Variants in VAC14 observed in about 807,000 individuals in gnomAD.
The protein encoded by VAC14 is VAC14 component of PIKFYVE complex, also known as protein VAC14 homolog.
VAC14 carries 47 observed loss-of-function variants against 85.3 expected under a neutral mutation model. The ratio of observed to expected loss-of-function variants is 0.55; its 90% CI spans 0.44 to 0.70. The LOEUF is 0.70. Ranked by LOEUF, VAC14 falls within the 30% of genes least tolerant of loss-of-function variation. VAC14 has a pLI of 0.00. For synonymous variants in VAC14, 447 were observed against 430.5 expected (o/e 1.04, Z -0.47); for missense variants, 861 against 1,004.3 (o/e 0.86, Z 1.93).
intron 10 of VAC14, among the ~76,000 whole-genome samples, chr16:70,763,462 A>C (rs2032570463): frequency 1.3e-5 from 2 of 152,176 alleles, no homozygotes; most frequent in African/African-American, 2.4e-5. Flanking sequence ...GGAAAAACAA[A>C]ACCACCAGGT....
chr16:70,695,346 T>G (rs1391944430), intron 17 of VAC14, among the ~76,000 whole-genome samples, 198 bp downstream of exon 17: 1 of 152,086 alleles, frequency 6.6e-6, no homozygotes, highest in Non-Finnish European at 1.5e-5. Context: ...CTCCTGCCGT[T>G]AAGAGATGCT....
intron 9 of VAC14, among the ~76,000 whole-genome samples, chr16:70,774,721 C>T (rs2033427527): frequency 1.3e-5 from 2 of 150,056 alleles, no homozygotes; most frequent in South Asian, 4.2e-4. Context: ...CCCCCTCTCC[C>T]CTCTCCCCTC....
At chr16:70,744,637 G>C (rs1330531974) in intron 12 of VAC14, 58 bp from the exon 13 acceptor site, 4 of 1,510,330 alleles carry the variant, frequency 2.6e-6, no homozygotes, top group Non-Finnish European at 3.5e-6. Context: ...GTGCTGACCT[G>C]GGCAGAGGTG....
chr16:70,736,908 C>A (rs866271350), intron 13 of VAC14, among the ~76,000 whole-genome samples: 2 of 118,468 alleles, frequency 1.7e-5, no homozygotes, highest in Admixed American at 1.8e-4. Flanking sequence ...GCAGGGAGGG[C>A]GGGCTGGACA....
intron 14 of VAC14, among the ~76,000 whole-genome samples, chr16:70,712,549 G>C (rs1338865417): frequency 1.3e-5 from 2 of 152,176 alleles, no homozygotes; most frequent in Non-Finnish European, 2.9e-5. Context: ...GATGTGTTCT[G>C]CACAAAGACA....
At chr16:70,705,523 T>C (rs1430372395) in intron 14 of VAC14, among the ~76,000 whole-genome samples, 1 of 152,260 alleles carries the variant, frequency 6.6e-6, no homozygotes, top group African/African-American at 2.4e-5. Flanking sequence ...CAGGGGCCTC[T>C]GACATTCTTG....
At position 70,764,264 on chromosome 16, in the gene VAC14, G is replaced by A. The variant is rs550711983; in HGVS notation, c.1161-1239C>T. Among the ~76,000 whole-genome samples the A allele has an allele frequency of 6.6e-5, 10 of 152,308 alleles. No individual in the cohort carries two copies. In the South Asian group the frequency reaches 2.1e-3, roughly 32 times the overall value. The stretch of plus-strand genomic sequence containing the variant: ...TGGTGCACATTTCAGGGGCAAGAGT[G>A]GGCACATCTATCCTCTGGTGGCCAG... On this transcript the variant is annotated intron_variant, in intron 10 of 18. Transcript: ENST00000261776.
chr16:70,793,811 T>A (rs2034434500), intron 1 of VAC14, among the ~76,000 whole-genome samples: 1 of 152,194 alleles, frequency 6.6e-6, no homozygotes, highest in Non-Finnish European at 1.5e-5. Flanking sequence ...CAAATAACAG[T>A]ATTAGTGCAA....
Position 70,784,971 on chromosome 16 carries a change from C to T in VAC14, c.424-133G>A, listed in dbSNP as rs570906097. The T allele has an allele frequency of 4.9e-5, 39 of 790,808 alleles. 2 individuals are homozygous for T. The highest frequency in any genetic ancestry group is 2.0e-4 in the East Asian group (8 of 40,510). The allele number at this position is 790,808 out of a possible 1,614,324, so 49.0% of individuals were successfully genotyped here. ...ACATCTAGCAAGAACATCACCCTTT[C>T]GGTGAACACATTTGAGAAAGGCTGG... On this transcript the variant is annotated intron_variant, in intron 3 of 18. Transcript: ENST00000261776.
chr16:70,739,970 A>AT (rs924848092), intron 13 of VAC14, among the ~76,000 whole-genome samples: 33 of 151,666 alleles, frequency 2.2e-4, no homozygotes, highest in Admixed American at 1.1e-3. Context: ...TTTTTGTTTT[A>AT]TTTTTTTTGA....
intron 13 of VAC14, among the ~76,000 whole-genome samples, chr16:70,742,789 C>CTGTGGCGG (rs2030472727): frequency 6.6e-6 from 1 of 152,260 alleles, no homozygotes; most frequent in Admixed American, 6.5e-5. Context: ...CCCGGCTGGG[C>CTGTGGCGG]TGTGGCGGGA....
chr16:70,785,635 T>TC, intron 3 of VAC14, 67 bp downstream of exon 3: 2 of 1,485,430 alleles, frequency 1.3e-6, no homozygotes, highest in Non-Finnish European at 1.8e-6. Flanking sequence ...GGTCCAAGGT[T>TC]CCAGAAGGTC....
rs1042969891 is a variant in VAC14, at chr16:70,690,980, G to C, written c.2186+1841C>G. ...CCCAGAGAGGGCACTGGGCTTGCTG[G>C]AGGTCACACAACAAATCCATGGCAG... On this transcript the variant is annotated intron_variant, in intron 18 of 18. Coordinates refer to ENST00000261776, the MANE Select transcript of VAC14 (RefSeq NM_018052.5). 1.0e-5 allele frequency: 10 copies of C among 985,032 alleles called. No homozygotes were observed. The African/African-American group carries it at 1.7e-4, about 17-fold the overall frequency. 61.0% of individuals were successfully genotyped at this position (985,032 alleles called of 1,614,324 possible). A position where few individuals can be genotyped will look rare whatever the true frequency, so the allele number is the denominator to read the frequency against.
At chr16:70,783,281 C>A (rs867027866) in intron 6 of VAC14, 142 bp from the exon 7 acceptor site, 3 of 1,067,852 alleles carry the variant, frequency 2.8e-6, no homozygotes, top group Non-Finnish European at 2.8e-6. Flanking sequence ...TTTTCAGATG[C>A]TGGGGGTTGA....
intron 14 of VAC14, among the ~76,000 whole-genome samples, chr16:70,718,720 G>C (rs1311751379): frequency 6.6e-6 from 1 of 152,052 alleles, no homozygotes; most frequent in Admixed American, 6.6e-5. Context: ...TCCACGTGGG[G>C]TTCTGTTAGG....
intron 9 of VAC14, among the ~76,000 whole-genome samples, chr16:70,775,891 T>A (rs553474357): frequency 2.0e-5 from 3 of 152,208 alleles, no homozygotes; most frequent in Non-Finnish European, 2.9e-5. Context: ...AGGGGAAGGA[T>A]TGGGCACTTC....
chr16:70,694,065 C>T (rs1197703149), intron 17 of VAC14, among the ~76,000 whole-genome samples: 3 of 152,210 alleles, frequency 2.0e-5, no homozygotes, highest in Non-Finnish European at 2.9e-5. Flanking sequence ...CAGGCACTGC[C>T]GGTGGCCACA....
intron 18 of VAC14, chr16:70,688,323 C>T: frequency 8.4e-7 from 1 of 1,186,154 alleles, no homozygotes; most frequent in South Asian, 4.2e-5. Context: ...TGGCTATTGC[C>T]CTCGGCCTGT....
intron 1 of VAC14, among the ~76,000 whole-genome samples, chr16:70,798,660 T>C (rs1367152864): frequency 1.3e-5 from 2 of 152,182 alleles, no homozygotes; most frequent in Non-Finnish European, 2.9e-5. Flanking sequence ...TCTCAAACTT[T>C]AATGTGCACA....
Sources: allele counts gnomAD v4.1 joint callset (sites outside exome capture counted in the v4.1 genomes callset), GRCh38; gene constraint gnomAD v4.1.1; transcripts MANE v1.5; gene names NCBI Gene and HGNC (gene_info 2026-07-23, HGNC 2026-07-21).